The following CMIP variants were observed in gnomAD, a reference collection of about 807,000 sequenced individuals.
CMIP encodes the protein C-Maf-inducing protein.
A neutral mutation model predicts 97.3 loss-of-function variants in CMIP; 13 were observed. That is an observed-to-expected ratio of 0.13 (90% CI 0.09 to 0.21). The LOEUF is 0.21. Among genes scored for constraint, CMIP ranks in the 10% least tolerant of loss-of-function variants. CMIP has a pLI of 1.00. For missense variants in CMIP, 847 were observed against 1,024.9 expected (o/e 0.83, Z 2.37); for synonymous variants, 538 against 436.3 (o/e 1.23, Z -2.91).
intron 1 of CMIP, among the ~76,000 whole-genome samples, chr16:81,544,531 G>C (rs569223387): frequency 7.8e-4 from 118 of 151,900 alleles, no homozygotes; most frequent in African/African-American, 2.6e-3. Context: ...GTGGCTCTCA[G>C]GCCACCTCCT....
chr16:81,479,392 T>A (rs965973418), intron 1 of CMIP, among the ~76,000 whole-genome samples: 2 of 152,312 alleles, frequency 1.3e-5, no homozygotes, highest in Admixed American at 6.5e-5. Context: ...CAGTTTTAAG[T>A]GTGCAGTTCA....
chr16:81,454,219 G>A (rs570340985), intron 1 of CMIP, among the ~76,000 whole-genome samples: 1 of 152,328 alleles, frequency 6.6e-6, no homozygotes, highest in South Asian at 2.1e-4. Context: ...TATCCCTACT[G>A]TGTGCCGGGC....
intron 15 of CMIP, 96 bp downstream of exon 15, chr16:81,699,897 G>C (rs1907199645): frequency 2.5e-6 from 2 of 802,238 alleles, no homozygotes; most frequent in Non-Finnish European, 4.1e-6. Context: ...GCTGCTGCAG[G>C]CACGGGGGGC....
chr16:81,582,737 G>T (rs1019348370), intron 1 of CMIP, among the ~76,000 whole-genome samples: 15 of 152,256 alleles, frequency 9.9e-5, no homozygotes, highest in Non-Finnish European at 1.9e-4. Flanking sequence ...GTATTGCTTG[G>T]GTTTCCAAGA....
chr16:81,693,181 C>G lies in CMIP; in HGVS notation c.1478C>G (p.Thr493Ser), dbSNP rs1597258512. 1 of 1,612,872 alleles carries G rather than the reference C, an allele frequency of 6.2e-7. No individual in the cohort carries two copies. The highest frequency in any genetic ancestry group is 8.5e-7 in the Non-Finnish European group (1 of 1,179,070). Residue 493 changes from threonine to serine, a missense_variant, in exon 12 of 21, where the codon ACC becomes AGC. By Grantham distance (58) the Thr-to-Ser change is moderately conservative. Transcript: ENST00000537098. ...AGAGCTCTCGCACATGAGAAGTTCA[C>G]CAAGTGAGTGTCTGGGCACCGCCCT... ...PKEALAHEKF[T>S]KELKYVIQRF...
At chr16:81,596,134 T>C (rs973254739) in intron 1 of CMIP, among the ~76,000 whole-genome samples, 5 of 152,194 alleles carry the variant, frequency 3.3e-5, no homozygotes, top group African/African-American at 1.2e-4. Context: ...AAGTGGAGGC[T>C]CAGAGATACC....
intron 1 of CMIP, among the ~76,000 whole-genome samples, chr16:81,538,807 T>C (rs1243517542): frequency 6.6e-6 from 1 of 151,996 alleles, no homozygotes; most frequent in East Asian, 1.9e-4. Flanking sequence ...TCTCGGGCAA[T>C]AATATGATTA....
chr16:81,592,045 A>G (rs2091474220), intron 1 of CMIP, among the ~76,000 whole-genome samples: 1 of 151,748 alleles, frequency 6.6e-6, no homozygotes, highest in African/African-American at 2.4e-5. Flanking sequence ...GCTGGTCTCA[A>G]ACTCCTGGGC....
chr16:81,602,891 C>A (rs1310839720), intron 1 of CMIP, among the ~76,000 whole-genome samples: 1 of 152,178 alleles, frequency 6.6e-6, no homozygotes, highest in South Asian at 2.1e-4. Flanking sequence ...TATCAGTTAT[C>A]TGTAAAATAA....
chr16:81,445,436 C>T lies in CMIP; in HGVS notation c.195C>T (p.Ile65=). The T allele has an allele frequency of 1.3e-6, 2 of 1,589,786 alleles. No individual in the cohort carries two copies. Among genetic ancestry groups the T allele is most frequent in the East Asian group, 2.3e-5 (1 of 43,538 alleles). The change falls in exon 1 of 21, where the codon ATC becomes ATT. Residue 65 remains isoleucine (I), a synonymous_variant. Transcript: ENST00000537098. Reference sequence around the variant, plus strand: ...AGGGCGACATTCAGGTCTGTGTCATCCGGCACCCGCGGACCTTTCTCAGCA... The same window carrying T: ...AGGGCGACATTCAGGTCTGTGTCATTCGGCACCCGCGGACCTTTCTCAGCA... ...LQEGDIQVCV[I]RHPRTFLSKI... is the part of the protein sequence containing the mutation.
chr16:81,584,568 C>T (rs1368366599), intron 1 of CMIP, among the ~76,000 whole-genome samples: 1 of 152,152 alleles, frequency 6.6e-6, no homozygotes, highest in Non-Finnish European at 1.5e-5. Flanking sequence ...ATGGCTGAAA[C>T]CATTGGTCTG....
At chr16:81,707,172 C>A in intron 20 of CMIP, 88 bp downstream of exon 20, 1 of 1,076,232 alleles carries the variant, frequency 9.3e-7, no homozygotes, top group South Asian at 1.3e-5. Context: ...AGAGCTCGTT[C>A]TCCAGTAAAG....
chr16:81,678,199 G>T (rs1258548317), intron 9 of CMIP, 76 bp from the exon 10 acceptor site: 2 of 1,095,498 alleles, frequency 1.8e-6, no homozygotes, highest in Non-Finnish European at 2.6e-6. Context: ...ATTCAGGGAG[G>T]CCTTTAGTCT....
chr16:81,555,257 G>A (rs553945706), intron 1 of CMIP, among the ~76,000 whole-genome samples: 8 of 152,326 alleles, frequency 5.3e-5, no homozygotes, highest in Non-Finnish European at 8.8e-5. Context: ...TGATGGTGTG[G>A]TGCTGAGATA....
intron 1 of CMIP, among the ~76,000 whole-genome samples, chr16:81,466,086 G>A (rs1444070355): frequency 1.3e-5 from 2 of 151,718 alleles, no homozygotes; most frequent in Admixed American, 6.6e-5. Flanking sequence ...TTTGAGGTAG[G>A]GTCTCGCCCT....
intron 1 of CMIP, among the ~76,000 whole-genome samples, chr16:81,498,195 G>A (rs1460647781): frequency 6.6e-6 from 1 of 152,230 alleles, no homozygotes; most frequent in Non-Finnish European, 1.5e-5. Context: ...GTCTGAAAAC[G>A]TGGCTCCTTC....
At chr16:81,455,686 T>A (rs1035341338) in intron 1 of CMIP, among the ~76,000 whole-genome samples, 1 of 152,172 alleles carries the variant, frequency 6.6e-6, no homozygotes, top group Non-Finnish European at 1.5e-5. Context: ...AGCCCACCCC[T>A]GTGGCCTGTG....
At chr16:81,675,125 G>A (rs1904288034) in intron 9 of CMIP, among the ~76,000 whole-genome samples, 5 of 152,178 alleles carry the variant, frequency 3.3e-5, no homozygotes, top group Admixed American at 3.3e-4. Flanking sequence ...AGCAGGAAGA[G>A]GGTGACCCAG....
chr16:81,704,966 C>A (rs551060136), intron 18 of CMIP, among the ~76,000 whole-genome samples: 1 of 151,966 alleles, frequency 6.6e-6, no homozygotes, highest in Non-Finnish European at 1.5e-5. Flanking sequence ...CAGGAGGCTT[C>A]TGGGTCTTTT....
Sources: gnomAD v4.1 joint callset for allele counts (sites outside exome capture counted in the v4.1 genomes callset) on GRCh38, gnomAD v4.1.1 for gene constraint, MANE v1.5 for transcripts, NCBI Gene and HGNC (gene_info 2026-07-23, HGNC 2026-07-21) for gene names.